PLCL2: variants seen among roughly 807,000 people sequenced by gnomAD.
PLCL2 encodes inactive phospholipase C-like protein 2.
PLCL2 carries 4 observed loss-of-function variants against 79.6 expected under a neutral mutation model. The ratio of observed to expected loss-of-function variants is 0.05; its 90% CI spans 0.02 to 0.11. The LOEUF (loss-of-function observed/expected upper bound fraction) is 0.11. Among genes scored for constraint, PLCL2 ranks in the 10% least tolerant of loss-of-function variants. PLCL2 has a pLI of 1.00. For synonymous variants in PLCL2, 484 were observed against 457.7 expected, an observed-to-expected ratio of 1.06 and a Z score of -0.73; for missense variants, 895 against 1,291.0, an observed-to-expected ratio of 0.69 and a Z score of 4.70.
chr3:17,025,701 G>GA (rs775270126), intron 3 of PLCL2, among the ~76,000 whole-genome samples: 133 of 152,142 alleles, frequency 8.7e-4, no homozygotes, highest in Non-Finnish European at 1.5e-3. Context: ...TCATGAGCTG[G>GA]AAAAAAATTC....
chr3:16,900,816 A>G (rs1696599759), intron 1 of PLCL2, among the ~76,000 whole-genome samples: 1 of 152,164 alleles, frequency 6.6e-6, no homozygotes, highest in Non-Finnish European at 1.5e-5. Flanking sequence ...TGGGCTTTGG[A>G]CTCAGATCTG....
chr3:17,039,916 G>T (rs973425665), intron 3 of PLCL2, among the ~76,000 whole-genome samples: 1 of 152,178 alleles, frequency 6.6e-6, no homozygotes, highest in Non-Finnish European at 1.5e-5. Context: ...TAAGCCACAA[G>T]TGGATCCTTC....
intron 1 of PLCL2, among the ~76,000 whole-genome samples, chr3:16,895,922 T>A (rs1696468771): frequency 6.6e-6 from 1 of 152,162 alleles, no homozygotes; most frequent in Non-Finnish European, 1.5e-5. Context: ...GTGGTAGAAG[T>A]TATAATAGTG....
chr3:17,069,923 A>G (rs2065046788), intron 5 of PLCL2, among the ~76,000 whole-genome samples: 1 of 152,190 alleles, frequency 6.6e-6, no homozygotes, highest in Admixed American at 6.5e-5. Context: ...TTTACAACGA[A>G]AAAGGATTTG....
At chr3:16,951,529 C>T (rs2063651971) in intron 1 of PLCL2, among the ~76,000 whole-genome samples, 1 of 151,870 alleles carries the variant, frequency 6.6e-6, no homozygotes, top group Non-Finnish European at 1.5e-5. Flanking sequence ...CTTTTTATTG[C>T]TATATTAATT....
chr3:17,081,466 G>T, intron 5 of PLCL2: 1 of 277,110 alleles, frequency 3.6e-6, no homozygotes, highest in Non-Finnish European at 7.2e-6. Context: ...TGGACAAAAG[G>T]ACTTTGAAAA....
intron 1 of PLCL2, among the ~76,000 whole-genome samples, chr3:16,966,617 A>G (rs758391085): frequency 1.1e-4 from 17 of 152,118 alleles, no homozygotes; most frequent in Admixed American, 2.6e-4. Context: ...TACCTCTGGT[A>G]GAATTCGGCC....
At chr3:17,052,785 A>G (rs1024976686) in intron 4 of PLCL2, among the ~76,000 whole-genome samples, 1 of 152,158 alleles carries the variant, frequency 6.6e-6, no homozygotes, top group Admixed American at 6.5e-5. Context: ...CTTCCACGTG[A>G]TAAATAGTAA....
intron 4 of PLCL2, among the ~76,000 whole-genome samples, chr3:17,066,544 G>C (rs2065012935): frequency 6.6e-6 from 1 of 152,346 alleles, no homozygotes; most frequent in African/African-American, 2.4e-5. Flanking sequence ...GAGTAAAAGT[G>C]TGCAAAAGAA....
intron 5 of PLCL2, among the ~76,000 whole-genome samples, chr3:17,082,324 A>G (rs1218580782): frequency 6.8e-6 from 1 of 147,128 alleles, no homozygotes; most frequent in East Asian, 2.0e-4. Context: ...TTTTTTTTGT[A>G]TTTTTAGTAG....
chr3:16,951,278 T>G (rs1481307536), intron 1 of PLCL2, among the ~76,000 whole-genome samples: 1 of 152,124 alleles, frequency 6.6e-6, no homozygotes, highest in Non-Finnish European at 1.5e-5. Flanking sequence ...TCAGTGGTTT[T>G]CTTTTTGAGT....
intron 1 of PLCL2, among the ~76,000 whole-genome samples, chr3:16,938,170 A>C (rs1481449330): frequency 6.6e-6 from 1 of 152,220 alleles, no homozygotes; most frequent in Non-Finnish European, 1.5e-5. Flanking sequence ...GCAGTTAATC[A>C]TGTTTGGTGG....
intron 1 of PLCL2, among the ~76,000 whole-genome samples, chr3:16,908,068 T>C (rs1696790593): frequency 6.6e-6 from 1 of 152,222 alleles, no homozygotes; most frequent in South Asian, 2.1e-4. Context: ...TTTGACTCCC[T>C]ACCTCCCTTT....
intron 3 of PLCL2, among the ~76,000 whole-genome samples, chr3:17,025,458 A>G (rs1397400212): frequency 6.6e-6 from 1 of 152,182 alleles, no homozygotes; most frequent in Non-Finnish European, 1.5e-5. Flanking sequence ...GAGCTGCTCT[A>G]TATTTGTGGA....
At chr3:17,066,781 C>A (rs909367395) in intron 4 of PLCL2, among the ~76,000 whole-genome samples, 4 of 152,054 alleles carry the variant, frequency 2.6e-5, no homozygotes, top group Non-Finnish European at 5.9e-5. Flanking sequence ...AGAAAACAAC[C>A]AACATGCAGG....
At chr3:17,054,398 CTT>C (rs1013693394) in intron 4 of PLCL2, among the ~76,000 whole-genome samples, 1 of 152,118 alleles carries the variant, frequency 6.6e-6, no homozygotes, top group African/African-American at 2.4e-5. Context: ...ATCTTCCTGT[CTT>C]TTTCTGAGCT....
chr3:17,087,043 C>G (rs754265913), intron 5 of PLCL2, among the ~76,000 whole-genome samples: 4 of 152,146 alleles, frequency 2.6e-5, no homozygotes, highest in Non-Finnish European at 4.4e-5. Context: ...TTCATTTATG[C>G]TGGTGGAAAT....
At chr3:17,073,997 A>G (rs531483833) in intron 5 of PLCL2, among the ~76,000 whole-genome samples, 3 of 152,362 alleles carry the variant, frequency 2.0e-5, no homozygotes, top group Admixed American at 6.5e-5. Context: ...TAATGTTGAC[A>G]TTCTGACCTC....
At chr3:16,939,354 A>T (rs778823792) in intron 1 of PLCL2, among the ~76,000 whole-genome samples, 2 of 152,210 alleles carry the variant, frequency 1.3e-5, no homozygotes, top group Non-Finnish European at 2.9e-5. Context: ...GGTTGAGTTT[A>T]TTGGGACATG....
Sources: allele counts gnomAD v4.1 joint callset (sites outside exome capture counted in the v4.1 genomes callset), GRCh38; gene constraint gnomAD v4.1.1; transcripts MANE v1.5; gene names NCBI Gene and HGNC (gene_info 2026-07-23, HGNC 2026-07-21).